The following DCDC2C variants were observed in gnomAD, a reference collection of about 807,000 sequenced individuals.
DCDC2C encodes the protein doublecortin domain containing 2C, also known as doublecortin domain-containing protein 2C.
DCDC2C carries 44 observed loss-of-function variants against 45.0 expected under a neutral mutation model. The observed-to-expected ratio is 0.98, with a 90% CI of 0.77 to 1.26. DCDC2C has a LOEUF of 1.26. Among genes scored for constraint, DCDC2C ranks in the 50% most tolerant of loss-of-function variants. The pLI is 0.00. For missense variants in DCDC2C, 447 were observed against 468.9 expected (o/e 0.95, Z 0.43); for synonymous variants, 187 against 178.8 (o/e 1.05, Z -0.37).
chr2:3,739,994 C>A (rs534292175), intron 3 of DCDC2C, among the ~76,000 whole-genome samples: 1 of 152,368 alleles, frequency 6.6e-6, no homozygotes, highest in African/African-American at 2.4e-5. Context: ...GCCACGCCCC[C>A]ATTGCACGCT....
intron 2 of DCDC2C, among the ~76,000 whole-genome samples, chr2:3,722,251 C>A (rs1228741734): frequency 6.6e-6 from 1 of 152,158 alleles, no homozygotes; most frequent in Admixed American, 6.5e-5. Flanking sequence ...GAGTACTAAG[C>A]TACATGGGTA....
intron 10 of DCDC2C, among the ~76,000 whole-genome samples, chr2:3,799,703 C>T (rs1223085218): frequency 6.6e-6 from 1 of 152,230 alleles, no homozygotes; most frequent in African/African-American, 2.4e-5. Context: ...CAGGGACCCA[C>T]TTGAGGAGGC....
At chr2:3,790,668 C>T (rs1670780186) in intron 10 of DCDC2C, among the ~76,000 whole-genome samples, 1 of 152,184 alleles carries the variant, frequency 6.6e-6, no homozygotes, top group African/African-American at 2.4e-5. Context: ...GATACTACTC[C>T]ATCACCACAG....
chr2:3,723,825 G>A (rs569903111), intron 2 of DCDC2C, among the ~76,000 whole-genome samples: 47 of 152,172 alleles, frequency 3.1e-4, no homozygotes, highest in African/African-American at 8.4e-4. Context: ...TGAACAAATG[G>A]GGCCGGGGTG....
rs191778325 is a variant in DCDC2C, at chr2:3,840,966, C to A, written c.1066-6188C>A. On this transcript the variant is annotated intron_variant, in intron 10 of 10. Transcript: ENST00000399143. The stretch of plus-strand genomic sequence containing the variant: ...CATGCTCTCATGACTATGCATGGAG[C>A]CTTCTAAACTGTCTTGCATATGGCA... Among the ~76,000 whole-genome samples the A allele has an allele frequency of 2.8e-4, 43 of 152,298 alleles. No individual in the cohort carries two copies. In the East Asian group the frequency reaches 7.3e-3, roughly 26 times the overall value.
chr2:3,768,445 CTG>C (rs999389663), intron 7 of DCDC2C, among the ~76,000 whole-genome samples: 6 of 152,324 alleles, frequency 3.9e-5, no homozygotes, highest in African/African-American at 1.4e-4. Context: ...TAGTGAGAGA[CTG>C]TGAGTGGTGT....
intron 4 of DCDC2C, among the ~76,000 whole-genome samples, chr2:3,744,329 C>T (rs925924153): frequency 2.6e-5 from 4 of 152,162 alleles, no homozygotes; most frequent in Admixed American, 6.5e-5. Context: ...TGGGTGGCAT[C>T]AGGCCCAGCG....
chr2:3,749,476 C>T (rs1225831572), intron 4 of DCDC2C, among the ~76,000 whole-genome samples: 1 of 152,242 alleles, frequency 6.6e-6, no homozygotes, highest in Non-Finnish European at 1.5e-5. Context: ...TACAGGCTCA[C>T]ATCTTCACGT....
chr2:3,811,343 T>C (rs1409518154), intron 10 of DCDC2C, among the ~76,000 whole-genome samples: 1 of 152,198 alleles, frequency 6.6e-6, no homozygotes, highest in African/African-American at 2.4e-5. Context: ...TTTGTAGCGA[T>C]TGTGAATGGG....
chr2:3,746,711 G>A (rs1669374107), intron 4 of DCDC2C, among the ~76,000 whole-genome samples: 1 of 152,212 alleles, frequency 6.6e-6, no homozygotes, highest in Non-Finnish European at 1.5e-5. Flanking sequence ...GCACAGCCTT[G>A]CTGGGAGATG....
intron 2 of DCDC2C, among the ~76,000 whole-genome samples, chr2:3,713,480 C>T (rs1489492147): frequency 2.6e-5 from 4 of 152,196 alleles, no homozygotes; most frequent in Non-Finnish European, 5.9e-5. Flanking sequence ...TTGAGAACAG[C>T]TGCATCCCGG....
At chr2:3,798,196 T>C (rs1417562258) in intron 10 of DCDC2C, among the ~76,000 whole-genome samples, 2 of 152,138 alleles carry the variant, frequency 1.3e-5, no homozygotes, top group Non-Finnish European at 2.9e-5. Flanking sequence ...TTGCAACCCC[T>C]GCCTTTTTTC....
intron 2 of DCDC2C, among the ~76,000 whole-genome samples, chr2:3,719,890 G>A (rs1668447414): frequency 6.6e-6 from 1 of 152,248 alleles, no homozygotes; most frequent in African/African-American, 2.4e-5. Context: ...ATAGCTCAGA[G>A]CTCTGGGATG....
intron 2 of DCDC2C, among the ~76,000 whole-genome samples, chr2:3,722,054 G>C (rs1027903763): frequency 6.6e-6 from 1 of 152,256 alleles, no homozygotes; most frequent in African/African-American, 2.4e-5. Flanking sequence ...ACTTGACAAT[G>C]TGTTATCTCA....
chr2:3,784,913 A>AATGAT (rs1327187893), intron 9 of DCDC2C, 146 bp from the exon 10 acceptor site: 5 of 468,854 alleles, frequency 1.1e-5, no homozygotes, highest in Non-Finnish European at 1.7e-5. Flanking sequence ...ATGAGGCTTG[A>AATGAT]GGCTTTACGC....
chr2:3,832,872 A>G (rs1050774369), intron 10 of DCDC2C, among the ~76,000 whole-genome samples: 3 of 152,160 alleles, frequency 2.0e-5, no homozygotes, highest in East Asian at 1.9e-4. Context: ...TTAATTTCCA[A>G]TGGCTACTGT....
chr2:3,845,066 C>A (rs1289029776), intron 10 of DCDC2C, among the ~76,000 whole-genome samples: 1 of 152,122 alleles, frequency 6.6e-6, no homozygotes, highest in Non-Finnish European at 1.5e-5. Context: ...CAGTAGAATC[C>A]TATGTACATT....
intron 10 of DCDC2C, among the ~76,000 whole-genome samples, chr2:3,832,392 C>T (rs1210470217): frequency 6.6e-6 from 1 of 152,226 alleles, no homozygotes; most frequent in Non-Finnish European, 1.5e-5. Flanking sequence ...CTACCCGTCT[C>T]CTTTGCACTT....
Position 3,752,591 on chromosome 2 carries a change from G to A in DCDC2C, c.546-172G>A, listed in dbSNP as rs747026487. The A allele has an allele frequency of 6.7e-6, 5 of 748,340 alleles. No homozygotes were observed. In the Admixed American group the frequency reaches 8.1e-5, roughly 12 times the overall value. 46.4% of individuals were successfully genotyped at this position (748,340 alleles called of 1,614,324 possible). ...GTGGAAAGCAAGTCTAATCCTGGAAGAGCAGTTCCCGTCGGGTTTAATTGG... is the reference window on the plus strand; with the variant it reads ...GTGGAAAGCAAGTCTAATCCTGGAAAAGCAGTTCCCGTCGGGTTTAATTGG... On this transcript the variant is annotated intron_variant, in intron 4 of 10. Coordinates refer to ENST00000399143, the MANE Select transcript of DCDC2C (RefSeq NM_001287444.2).
Sources: allele counts gnomAD v4.1 joint callset (sites outside exome capture counted in the v4.1 genomes callset), GRCh38; gene constraint gnomAD v4.1.1; transcripts MANE v1.5; gene names NCBI Gene and HGNC (gene_info 2026-07-23, HGNC 2026-07-21).